Variants in PACRG observed in about 807,000 individuals in gnomAD.
PACRG encodes parkin coregulated gene protein.
A neutral mutation model predicts 29.7 loss-of-function variants in PACRG; 29 were observed. The ratio of observed to expected loss-of-function variants is 0.98; its 90% CI spans 0.73 to 1.33. The LOEUF (loss-of-function observed/expected upper bound fraction) is 1.33. Ranked by LOEUF, PACRG falls within the 40% of genes most tolerant of loss-of-function variation. The pLI, the probability that PACRG is intolerant of heterozygous loss-of-function variation, is 0.00. For synonymous variants in PACRG, 116 were observed against 118.7 expected, an observed-to-expected ratio of 0.98 and a Z score of 0.15; for missense variants, 279 against 316.2, an observed-to-expected ratio of 0.88 and a Z score of 0.89.
At chr6:162,849,253 G>T (rs1269201341) in intron 2 of PACRG, among the ~76,000 whole-genome samples, 2 of 152,214 alleles carry the variant, frequency 1.3e-5, no homozygotes, top group Admixed American at 6.5e-5. Context: ...TCACACACAT[G>T]TAAAGGAGTG....
intron 2 of PACRG, among the ~76,000 whole-genome samples, chr6:163,010,563 T>C (rs1436824987): frequency 1.3e-5 from 2 of 152,180 alleles, no homozygotes; most frequent in African/African-American, 4.8e-5. Flanking sequence ...GCAACTGTTA[T>C]CCTACCTTTA....
chr6:162,782,696 G>A (rs1784183527), intron 1 of PACRG, among the ~76,000 whole-genome samples: 1 of 151,772 alleles, frequency 6.6e-6, no homozygotes, highest in Non-Finnish European at 1.5e-5. Context: ...GTTACCTAAA[G>A]GAGATTTCAG....
chr6:163,013,442 C>G (rs1805801439), intron 2 of PACRG, among the ~76,000 whole-genome samples: 1 of 150,598 alleles, frequency 6.6e-6, no homozygotes, highest in Admixed American at 6.6e-5. Context: ...GTCAGTATTA[C>G]CTGTACGCCT....
intron 1 of PACRG, among the ~76,000 whole-genome samples, chr6:162,760,159 C>T (rs939565725): frequency 6.6e-6 from 1 of 152,194 alleles, no homozygotes; most frequent in Non-Finnish European, 1.5e-5. Context: ...GTGTATGACT[C>T]CCAGGTGCCT....
chr6:163,039,660 C>A (rs1176083339), intron 2 of PACRG, among the ~76,000 whole-genome samples: 2 of 152,218 alleles, frequency 1.3e-5, no homozygotes, highest in African/African-American at 4.8e-5. Flanking sequence ...GAGAGACTGG[C>A]AGCATTTTGC....
chr6:163,313,954 C>T (rs950851144), intron 4 of PACRG: 2 of 152,202 alleles, frequency 1.3e-5, no homozygotes, highest in Non-Finnish European at 2.9e-5. Context: ...TTGTCAGACT[C>T]CCTCACCCTT....
At chr6:162,795,217 G>C (rs1055665394) in intron 1 of PACRG, among the ~76,000 whole-genome samples, 1 of 151,960 alleles carries the variant, frequency 6.6e-6, no homozygotes, top group Non-Finnish European at 1.5e-5. Context: ...AAATAGATGA[G>C]GAGATCAGAG....
Position 163,270,260 on chromosome 6 carries a change from C to T in PACRG, c.614-44567C>T, listed in dbSNP as rs1402252566. ...TAGGAGGTCTAGGTCGGCAGGCTAA[C>T]CCCCTGGGGAAAAATATTTTTAAAA... On this transcript the variant is annotated intron_variant, in intron 4 of 4. Coordinates refer to ENST00000366888, the MANE Select transcript of PACRG (RefSeq NM_001080379.2). Among the ~76,000 whole-genome samples the T allele has an allele frequency of 3.3e-5, 5 of 152,136 alleles. No homozygotes were observed. The East Asian group carries it at 7.7e-4, about 23-fold the overall frequency.
In PACRG at chr6:162,820,757, T is replaced by C. The variant is rs180994738; in HGVS notation, c.291+6476T>C. ...ATAATTTGTTTCACATCAAGGAGAA[T>C]GAATGTTCTCTTGGAATTGTCCTGG... On this transcript the variant is annotated intron_variant, in intron 2 of 4. Coordinates refer to ENST00000366888, the MANE Select transcript of PACRG (RefSeq NM_001080379.2). Among the ~76,000 whole-genome samples, 1,202 of 152,292 alleles carry C rather than the reference T, an allele frequency of 7.9e-3. 20 individuals carry two copies. Among genetic ancestry groups the C allele is most frequent in the Non-Finnish European group, 8.9e-3 (603 of 68,020 alleles).
chr6:162,981,025 A>G (rs181812865), intron 2 of PACRG, among the ~76,000 whole-genome samples: 28 of 151,918 alleles, frequency 1.8e-4, no homozygotes, highest in Non-Finnish European at 1.6e-4. Context: ...GTAGTCCTTT[A>G]TCCCTCACCC....
intron 2 of PACRG, among the ~76,000 whole-genome samples, chr6:162,879,564 T>A (rs1007053486): frequency 2.0e-5 from 3 of 152,230 alleles, no homozygotes; most frequent in Admixed American, 1.3e-4. Context: ...GATTTTTAAA[T>A]CAATCCAATG....
At chr6:162,802,816 T>C (rs960734986) in intron 1 of PACRG, among the ~76,000 whole-genome samples, 1 of 152,202 alleles carries the variant, frequency 6.6e-6, no homozygotes, top group Admixed American at 6.5e-5. Flanking sequence ...CTCTCACTTG[T>C]TGAATTTTAT....
rs1169490538 is a variant in PACRG at position 163,277,516 on chromosome 6, CAT to C, written c.614-37307_614-37306del. On this transcript the variant is annotated intron_variant, in intron 4 of 4. Transcript: ENST00000366888. ...ATATACACACATACACACACACACACATATACACATATATACATATATGTGTA... is the reference window on the plus strand; with the variant it reads ...ATATACACACATACACACACACACACATACACATATATACATATATGTGTA... 3.5e-4 allele frequency among the ~76,000 whole-genome samples: 48 copies of C among 135,728 alleles called. 1 individual carries two copies. The highest frequency in any genetic ancestry group is 1.8e-3 in the East Asian group (8 of 4,482). The allele number at this position is 135,728 out of a possible 152,430, so 89.0% of individuals were successfully genotyped here. A position where few individuals can be genotyped will look rare whatever the true frequency, so the allele number is the denominator to read the frequency against.
intron 4 of PACRG, among the ~76,000 whole-genome samples, chr6:163,248,306 T>A (rs1367111797): frequency 6.6e-6 from 1 of 152,210 alleles, no homozygotes; most frequent in East Asian, 1.9e-4. Context: ...GTTTGTAGCA[T>A]TTCTTGTGGT....
At chr6:163,025,042 A>G (rs1031494494) in intron 2 of PACRG, among the ~76,000 whole-genome samples, 2 of 152,202 alleles carry the variant, frequency 1.3e-5, no homozygotes, top group African/African-American at 4.8e-5. Context: ...ACATCCCTCC[A>G]TGATAAAAAC....
At chr6:163,067,142 A>C (rs1163309866) in intron 3 of PACRG, among the ~76,000 whole-genome samples, 5 of 152,162 alleles carry the variant, frequency 3.3e-5, no homozygotes, top group African/African-American at 4.8e-5. Flanking sequence ...TTCCTGCTGT[A>C]GCACCGCTTC....
intron 4 of PACRG, among the ~76,000 whole-genome samples, chr6:163,110,369 T>C (rs1466500402): frequency 6.6e-6 from 1 of 152,240 alleles, no homozygotes; most frequent in Non-Finnish European, 1.5e-5. Context: ...AAATATAGAA[T>C]AGTGCATGTA....
intron 2 of PACRG, among the ~76,000 whole-genome samples, chr6:162,974,394 A>G (rs1004708411): frequency 1.3e-5 from 2 of 152,224 alleles, no homozygotes; most frequent in Admixed American, 1.3e-4. Flanking sequence ...AAGAAAGCCA[A>G]TATACAAAAT....
chr6:162,980,889 CT>C (rs529018380), intron 2 of PACRG, among the ~76,000 whole-genome samples: 4 of 151,754 alleles, frequency 2.6e-5, no homozygotes, highest in African/African-American at 7.2e-5. Flanking sequence ...CCATTACTTT[CT>C]TTTTTTTTAT....
Sources: gnomAD v4.1 joint callset for allele counts (sites outside exome capture counted in the v4.1 genomes callset) on GRCh38, gnomAD v4.1.1 for gene constraint, MANE v1.5 for transcripts, NCBI Gene and HGNC (gene_info 2026-07-23, HGNC 2026-07-21) for gene names.